The following ZFAND3 variants were observed in gnomAD, a reference collection of about 807,000 sequenced individuals.
The protein encoded by ZFAND3 is AN1-type zinc finger protein 3.
In ZFAND3, 10 loss-of-function variants were observed where a neutral mutation model predicts 29.6. The observed-to-expected ratio is 0.34, with a 90% confidence interval of 0.21 to 0.57. ZFAND3 has a LOEUF of 0.57. ZFAND3 is among the 20% of genes least tolerant of loss of function. The pLI, the probability that ZFAND3 is intolerant of heterozygous loss-of-function variation, is 0.86. For synonymous variants in ZFAND3, 128 were observed against 112.6 expected (o/e 1.14, Z -0.87); for missense variants, 230 against 304.5 (o/e 0.76, Z 1.82).
At chr6:38,018,403 G>A (rs1022675439) in intron 2 of ZFAND3, among the ~76,000 whole-genome samples, 16 of 152,000 alleles carry the variant, frequency 1.1e-4, no homozygotes, top group African/African-American at 3.4e-4. Context: ...AACATATAAC[G>A]TTTTATTTTT....
At chr6:37,910,954 T>C (rs1323719817) in intron 1 of ZFAND3, among the ~76,000 whole-genome samples, 1 of 152,198 alleles carries the variant, frequency 6.6e-6, no homozygotes, top group African/African-American at 2.4e-5. Flanking sequence ...TAATGGGCAC[T>C]TAGGTTGATT....
Position 38,059,182 on chromosome 6 carries a change from C to G in ZFAND3, c.113-2411C>G, listed in dbSNP as rs186459007. On this transcript the variant is annotated intron_variant, in intron 2 of 5. Coordinates refer to ENST00000287218, the MANE Select transcript of ZFAND3 (RefSeq NM_021943.3). ...AAATTACAGAACAAGATAGAAGACCCGTTTTTCTCCTTATCCCTTGGCCTC... is the reference window on the plus strand; with the variant it reads ...AAATTACAGAACAAGATAGAAGACCGGTTTTTCTCCTTATCCCTTGGCCTC... Among the ~76,000 whole-genome samples, 605 of 152,206 alleles carry G rather than the reference C, an allele frequency of 4.0e-3. 2 individuals carry two copies. The highest frequency in any genetic ancestry group is 0.014 in the African/African-American group (578 of 41,542).
chr6:38,106,344 G>T (rs1257333262), intron 4 of ZFAND3, among the ~76,000 whole-genome samples: 1 of 152,014 alleles, frequency 6.6e-6, no homozygotes, highest in African/African-American at 2.4e-5. Context: ...TAGAGATAGG[G>T]TCTCCATGTT....
intron 4 of ZFAND3, among the ~76,000 whole-genome samples, chr6:38,093,448 G>A (rs1002035508): frequency 1.3e-5 from 2 of 152,144 alleles, no homozygotes; most frequent in African/African-American, 4.8e-5. Flanking sequence ...ATAAATATGA[G>A]CCTGTTTTAG....
intron 1 of ZFAND3, among the ~76,000 whole-genome samples, chr6:37,823,789 TGTA>T (rs1763709205): frequency 2.0e-5 from 3 of 150,758 alleles, no homozygotes; most frequent in African/African-American, 7.3e-5. Flanking sequence ...TGTATTTTTT[TGTA>T]TTTTTTTTTG....
At position 38,123,951 on chromosome 6, in the gene ZFAND3, G is replaced by A. The variant is rs570148256; in HGVS notation, c.529+7212G>A. On this transcript the variant is annotated intron_variant, in intron 5 of 5. Coordinates refer to ENST00000287218, the MANE Select transcript of ZFAND3 (RefSeq NM_021943.3). Reference sequence around the variant, plus strand: ...GCTTCCACAGTGTGGAAGGGGACGCGAGTAGGTTGCCACTACTGACACAGG... The same window carrying A: ...GCTTCCACAGTGTGGAAGGGGACGCAAGTAGGTTGCCACTACTGACACAGG... Among the ~76,000 whole-genome samples, 73 of 152,190 alleles carry A rather than the reference G, an allele frequency of 4.8e-4. 3 individuals carry two copies. In the South Asian group the frequency reaches 0.012, roughly 26 times the overall value.
intron 2 of ZFAND3, among the ~76,000 whole-genome samples, chr6:38,060,044 A>G (rs1028971296): frequency 2.0e-5 from 3 of 152,200 alleles, no homozygotes; most frequent in African/African-American, 7.2e-5. Context: ...CTTGAACAAC[A>G]CAAGTTTGAA....
At chr6:38,096,825 T>G (rs1244204333) in intron 4 of ZFAND3, among the ~76,000 whole-genome samples, 1 of 152,156 alleles carries the variant, frequency 6.6e-6, no homozygotes, top group Non-Finnish European at 1.5e-5. Flanking sequence ...TTTTGTTCTC[T>G]GAAGATTTTT....
At chr6:37,976,355 G>A (rs1458616305) in intron 2 of ZFAND3, among the ~76,000 whole-genome samples, 14 of 152,114 alleles carry the variant, frequency 9.2e-5, no homozygotes, top group Admixed American at 9.2e-4. Context: ...GCCAAGGTAG[G>A]TGGGTCAGTT....
At chr6:38,033,536 G>A (rs950303526) in intron 2 of ZFAND3, among the ~76,000 whole-genome samples, 4 of 152,154 alleles carry the variant, frequency 2.6e-5, no homozygotes, top group African/African-American at 7.2e-5. Context: ...AATTAGAACA[G>A]CATGTGTGTG....
intron 1 of ZFAND3, among the ~76,000 whole-genome samples, chr6:37,916,882 C>T (rs775420163): frequency 1.3e-5 from 2 of 152,160 alleles, no homozygotes; most frequent in African/African-American, 2.4e-5. Context: ...CGAATCATCC[C>T]CTTCTCCAGT....
chr6:37,886,848 C>T (rs986453797), intron 1 of ZFAND3, among the ~76,000 whole-genome samples: 1 of 151,922 alleles, frequency 6.6e-6, no homozygotes, highest in African/African-American at 2.4e-5. Context: ...AACAAAAAAC[C>T]CCAAAATTAG....
intron 1 of ZFAND3, among the ~76,000 whole-genome samples, chr6:37,913,145 G>A (rs146002287): frequency 2.6e-5 from 4 of 152,104 alleles, no homozygotes; most frequent in Non-Finnish European, 4.4e-5. Flanking sequence ...GGGGGCTCTG[G>A]CAGTTTCCTA....
chr6:38,104,044 A>T (rs1044026926), intron 4 of ZFAND3, among the ~76,000 whole-genome samples: 4 of 152,228 alleles, frequency 2.6e-5, no homozygotes, highest in African/African-American at 9.6e-5. Flanking sequence ...GGTCTTGCTG[A>T]TATGGAGAAG....
chr6:37,938,778 G>A (rs1439127965), intron 2 of ZFAND3, among the ~76,000 whole-genome samples: 1 of 152,160 alleles, frequency 6.6e-6, no homozygotes, highest in African/African-American at 2.4e-5. Flanking sequence ...TGATGATGAT[G>A]TTATGGAAAT....
At chr6:38,081,814 C>T (rs1323980410) in intron 3 of ZFAND3, among the ~76,000 whole-genome samples, 1 of 152,034 alleles carries the variant, frequency 6.6e-6, no homozygotes, top group Non-Finnish European at 1.5e-5. Flanking sequence ...CCATAAAGGG[C>T]CTCTCGATAT....
At chr6:38,144,660 T>TA (rs1182385970) in intron 5 of ZFAND3, among the ~76,000 whole-genome samples, 1 of 152,174 alleles carries the variant, frequency 6.6e-6, no homozygotes, top group Non-Finnish European at 1.5e-5. Flanking sequence ...TTTGACAATT[T>TA]AAAATTTAAA....
At chr6:37,925,649 A>G (rs1199570938) in intron 1 of ZFAND3, among the ~76,000 whole-genome samples, 2 of 149,952 alleles carry the variant, frequency 1.3e-5, no homozygotes, top group African/African-American at 4.9e-5. Context: ...GGTTGCAGTG[A>G]GCTGAGATCA....
At chr6:37,901,027 AT>A (rs34669696) in intron 1 of ZFAND3, among the ~76,000 whole-genome samples, 32,654 of 151,496 alleles carry the variant, frequency 0.22, 4,352 homozygotes, top group African/African-American at 0.37. Context: ...TGCCTACTGA[AT>A]TTTTTTTTAA....
Sources: gnomAD v4.1 joint callset for allele counts (sites outside exome capture counted in the v4.1 genomes callset) on GRCh38, gnomAD v4.1.1 for gene constraint, MANE v1.5 for transcripts, NCBI Gene and HGNC (gene_info 2026-07-23, HGNC 2026-07-21) for gene names.